Variants in KCTD8 observed in about 807,000 individuals in gnomAD.
KCTD8 encodes BTB/POZ domain-containing protein KCTD8.
KCTD8 carries 27 observed loss-of-function variants against 31.5 expected under a neutral mutation model. The observed-to-expected ratio is 0.86, with a 90% CI of 0.63 to 1.18. The LOEUF (loss-of-function observed/expected upper bound fraction) is 1.18. Ranked by LOEUF, KCTD8 falls within the 50% of genes most tolerant of loss-of-function variation. The pLI, the probability that KCTD8 is intolerant of heterozygous loss-of-function variation, is 0.00. For missense variants in KCTD8, 658 were observed against 647.7 expected, an observed-to-expected ratio of 1.02 and a Z score of -0.17; for synonymous variants, 290 against 280.0, an observed-to-expected ratio of 1.04 and a Z score of -0.36.
At chr4:44,280,797 T>C (rs192808232) in intron 1 of KCTD8, among the ~76,000 whole-genome samples, 34 of 152,210 alleles carry the variant, frequency 2.2e-4, no homozygotes, top group Admixed American at 4.6e-4. Flanking sequence ...GAGATGGTAT[T>C]CTTGGTTGTC....
At chr4:44,353,029 G>T (rs532760690) in intron 1 of KCTD8, among the ~76,000 whole-genome samples, 1 of 152,084 alleles carries the variant, frequency 6.6e-6, no homozygotes, top group South Asian at 2.1e-4. Context: ...ATGAGTTTTG[G>T]CAAATATCTA....
At chr4:44,408,897 G>GGATGTTTGAACTTAAAAGTGA (rs1720883969) in intron 1 of KCTD8, among the ~76,000 whole-genome samples, 1 of 151,960 alleles carries the variant, frequency 6.6e-6, no homozygotes, top group African/African-American at 2.4e-5. Flanking sequence ...GATTACAGGT[G>GGATGTTTGAACTTAAAAGTGA]TGAGCCACTG....
At chr4:44,246,366 TTTC>T (rs777340385) in intron 1 of KCTD8, among the ~76,000 whole-genome samples, 2 of 152,024 alleles carry the variant, frequency 1.3e-5, no homozygotes, top group African/African-American at 4.8e-5. Flanking sequence ...ATGAGGTATT[TTTC>T]TTCTTGTTTC....
Position 44,175,237 on chromosome 4 carries a change from T to A in KCTD8, c.975A>T (p.Lys325Asn). 1.3e-6 allele frequency: 2 copies of A among 1,547,814 alleles called. No individual in the cohort carries two copies. The highest frequency in any genetic ancestry group is 1.7e-6 in the Non-Finnish European group (2 of 1,148,128). ...CATGTTCTTGTTTAGGTGATACTATTTTCTGAGGTGGTCCTAAAAAGGAGG... is the reference window on the plus strand; with the variant it reads ...CATGTTCTTGTTTAGGTGATACTATATTCTGAGGTGGTCCTAAAAAGGAGG... ...TEYIFFRPPQKIVSPKQEHED... is the reference protein window; with the variant it reads ...TEYIFFRPPQNIVSPKQEHED... Residue 325 changes from lysine (K) to asparagine (N), a missense_variant, in exon 2 of 2, where the codon AAA becomes AAT. Coordinates refer to ENST00000360029, the MANE Select transcript of KCTD8 (RefSeq NM_198353.3).
chr4:44,291,287 A>G (rs1034369193), intron 1 of KCTD8, among the ~76,000 whole-genome samples: 1 of 152,070 alleles, frequency 6.6e-6, no homozygotes, highest in Non-Finnish European at 1.5e-5. Context: ...AACAGACCAA[A>G]CAAATAGACC....
At chr4:44,374,264 A>G (rs1006212331) in intron 1 of KCTD8, among the ~76,000 whole-genome samples, 1 of 152,186 alleles carries the variant, frequency 6.6e-6, no homozygotes, top group Non-Finnish European at 1.5e-5. Flanking sequence ...AGGAGAGAAC[A>G]GCGGGCTGAC....
intron 1 of KCTD8, among the ~76,000 whole-genome samples, chr4:44,208,242 C>T (rs988521248): frequency 6.6e-6 from 1 of 152,158 alleles, no homozygotes; most frequent in African/African-American, 2.4e-5. Context: ...ACGAAAGGCA[C>T]CATTAGTAAT....
chr4:44,191,289 C>T (rs903740246), intron 1 of KCTD8, among the ~76,000 whole-genome samples: 3 of 152,122 alleles, frequency 2.0e-5, no homozygotes, highest in Non-Finnish European at 4.4e-5. Context: ...CCTCAGGACC[C>T]TGTGATGATT....
intron 1 of KCTD8, among the ~76,000 whole-genome samples, chr4:44,394,360 C>T (rs1577652625): frequency 6.6e-6 from 1 of 151,942 alleles, no homozygotes; most frequent in Non-Finnish European, 1.5e-5. Context: ...CTTTGAGCTT[C>T]CAAATCCCAT....
intron 1 of KCTD8, among the ~76,000 whole-genome samples, chr4:44,420,230 T>C (rs1163517113): frequency 6.6e-6 from 1 of 152,110 alleles, no homozygotes; most frequent in Non-Finnish European, 1.5e-5. Context: ...CTCAAAACTT[T>C]AAACAAAAAA....
chr4:44,375,220 CA>C (rs1455539635), intron 1 of KCTD8, among the ~76,000 whole-genome samples: 1 of 152,108 alleles, frequency 6.6e-6, no homozygotes, highest in East Asian at 1.9e-4. Flanking sequence ...TGCTGAGGAA[CA>C]AAAGGTGTAT....
At chr4:44,369,742 G>A (rs1025280148) in intron 1 of KCTD8, among the ~76,000 whole-genome samples, 1 of 152,108 alleles carries the variant, frequency 6.6e-6, no homozygotes, top group Admixed American at 6.5e-5. Context: ...TGGCTGCAGT[G>A]AGCCAAGATT....
chr4:44,278,649 C>T (rs1159677701), intron 1 of KCTD8, among the ~76,000 whole-genome samples: 1 of 152,024 alleles, frequency 6.6e-6, no homozygotes, highest in Non-Finnish European at 1.5e-5. Flanking sequence ...AAACGCATCA[C>T]ATTCACATTG....
At chr4:44,329,864 C>T (rs1718549610) in intron 1 of KCTD8, among the ~76,000 whole-genome samples, 1 of 151,776 alleles carries the variant, frequency 6.6e-6, no homozygotes, top group Non-Finnish European at 1.5e-5. Context: ...TAAATTTGAT[C>T]CCTAGATTTT....
chr4:44,180,164 GAGTT>G (rs1303013377), intron 1 of KCTD8, among the ~76,000 whole-genome samples: 1 of 152,056 alleles, frequency 6.6e-6, no homozygotes, highest in African/African-American at 2.4e-5. Flanking sequence ...TTTGCCCTGT[GAGTT>G]AGAGCACCCA....
chr4:44,212,985 T>C (rs1714535746), intron 1 of KCTD8, among the ~76,000 whole-genome samples: 3 of 152,188 alleles, frequency 2.0e-5, no homozygotes, highest in South Asian at 4.1e-4. Context: ...TCGCCCAGGC[T>C]GGAGTGCAGT....
At chr4:44,188,631 C>T (rs1203432713) in intron 1 of KCTD8, among the ~76,000 whole-genome samples, 1 of 152,022 alleles carries the variant, frequency 6.6e-6, no homozygotes. Context: ...TTAAGGATTT[C>T]GAGATGGTGA....
At chr4:44,186,632 G>A (rs1420389137) in intron 1 of KCTD8, among the ~76,000 whole-genome samples, 1 of 152,136 alleles carries the variant, frequency 6.6e-6, no homozygotes, top group Admixed American at 6.5e-5. Context: ...CACTCCCCAC[G>A]ACCTGCCCGT....
chr4:44,230,840 C>T (rs1423150396), intron 1 of KCTD8, among the ~76,000 whole-genome samples: 2 of 151,970 alleles, frequency 1.3e-5, no homozygotes, highest in Admixed American at 6.6e-5. Flanking sequence ...TAGGATTTAG[C>T]GATCTTATGA....
Sources: allele counts gnomAD v4.1 joint callset (sites outside exome capture counted in the v4.1 genomes callset), GRCh38; gene constraint gnomAD v4.1.1; transcripts MANE v1.5; gene names NCBI Gene and HGNC (gene_info 2026-07-23, HGNC 2026-07-21).